LRRC8C: variants seen among roughly 807,000 people sequenced by gnomAD.
The protein encoded by LRRC8C is volume-regulated anion channel subunit LRRC8C.
LRRC8C carries 20 observed loss-of-function variants against 55.3 expected under a neutral mutation model. The ratio of observed to expected loss-of-function variants is 0.36; its 90% CI spans 0.25 to 0.53. LRRC8C has a LOEUF of 0.53. LRRC8C is among the 20% of genes least tolerant of loss of function. The probability of loss-of-function intolerance (pLI) is 0.92; values close to 1 mark genes in which losing one functional copy is unlikely to be tolerated. For missense variants in LRRC8C, 659 were observed against 951.4 expected (o/e 0.69, Z 4.04); for synonymous variants, 376 against 360.7 (o/e 1.04, Z -0.48).
In LRRC8C at chr1:89,718,683, T is replaced by G. The variant is rs1312268516; in HGVS notation, c.*3701T>G. On this transcript the variant is annotated 3_prime_UTR_variant, in exon 3 of 3. Transcript: ENST00000370454. Reference sequence around the variant, plus strand: ...CATACTTAGTAGTGAACAGATAAAGTCAATTTGAATATAATTCCACTTTGT... The same window carrying G: ...CATACTTAGTAGTGAACAGATAAAGGCAATTTGAATATAATTCCACTTTGT... 1.3e-5 allele frequency: 2 copies of G among 152,182 alleles called. No homozygotes were observed. The highest frequency in any genetic ancestry group is 2.9e-5 in the Non-Finnish European group (2 of 68,002). The allele number at this position is 152,182 out of a possible 1,614,324, so 9.4% of individuals were successfully genotyped here.
the LRRC8C span, among the ~76,000 whole-genome samples, chr1:89,624,322 A>G: frequency 6.6e-6 from 1 of 152,252 alleles, no homozygotes; most frequent in Non-Finnish European, 1.5e-5. Context: ...TGGAAGAAAG[A>G]GTACAAAAAC....
chr1:89,700,744 A>T (rs1346365199), intron 2 of LRRC8C, among the ~76,000 whole-genome samples: 1 of 152,198 alleles, frequency 6.6e-6, no homozygotes, highest in Non-Finnish European at 1.5e-5. Flanking sequence ...TGAATCAATG[A>T]GGTGGAGGGA....
At chr1:89,619,674 A>G in the LRRC8C span, among the ~76,000 whole-genome samples, 25 of 151,956 alleles carry the variant, frequency 1.6e-4, no homozygotes, top group Non-Finnish European at 1.5e-5. Flanking sequence ...ATTAAATCAA[A>G]TCAACAAATT....
intron 2 of LRRC8C, among the ~76,000 whole-genome samples, chr1:89,710,274 A>G (rs1401205023): frequency 1.3e-5 from 2 of 152,130 alleles, no homozygotes; most frequent in Non-Finnish European, 2.9e-5. Flanking sequence ...AAGATAGTCT[A>G]GTATTTGTCT....
At chr1:89,712,178 T>C (rs1317921406) in intron 2 of LRRC8C, among the ~76,000 whole-genome samples, 1 of 152,208 alleles carries the variant, frequency 6.6e-6, no homozygotes, top group Non-Finnish European at 1.5e-5. Context: ...AATGGCACGA[T>C]CTCGGCTCAC....
chr1:89,635,293 A>G (rs1234225266), intron 1 of LRRC8C, among the ~76,000 whole-genome samples: 1 of 152,242 alleles, frequency 6.6e-6, no homozygotes, highest in African/African-American at 2.4e-5. Context: ...TGACATTATA[A>G]TAGAGCGAGC....
At chr1:89,653,683 C>G (rs1317708454) in intron 1 of LRRC8C, among the ~76,000 whole-genome samples, 1 of 152,086 alleles carries the variant, frequency 6.6e-6, no homozygotes, top group Non-Finnish European at 1.5e-5. Flanking sequence ...AAGATTGAGC[C>G]TGCAGGTTTT....
chr1:89,696,436 G>A (rs114998458), intron 2 of LRRC8C, among the ~76,000 whole-genome samples: 1,930 of 152,124 alleles, frequency 0.013, 55 homozygotes, highest in African/African-American at 0.044. Flanking sequence ...TCAGGTCAAA[G>A]AAAGGTAATC....
Position 89,714,760 on chromosome 1 carries a change from A to C in LRRC8C, c.2190A>C (p.Lys730Asn). 6.2e-7 allele frequency: 1 copy of C among 1,613,848 alleles called. No homozygotes were observed. The highest frequency in any genetic ancestry group is 8.5e-7 in the Non-Finnish European group (1 of 1,179,902). Residue 730 changes from lysine (K) to asparagine (N), a missense_variant, in exon 3 of 3, where the codon AAA becomes AAC. Coordinates refer to ENST00000370454, the MANE Select transcript of LRRC8C (RefSeq NM_032270.5). The surrounding 1 kb of genome is among the most constrained non-coding windows in gnomAD (Gnocchi z 4.6). ...SLPDELYFCK[K>N]LKTLKIGKNS... ...CAGATGAACTCTACTTCTGCAAGAA[A>C]CTTAAAACTCTGAAGATTGGAAAAA...
chr1:89,662,904 T>C (rs563083909), intron 1 of LRRC8C, among the ~76,000 whole-genome samples: 127 of 152,238 alleles, frequency 8.3e-4, no homozygotes, highest in African/African-American at 2.9e-3. Context: ...ACACGTGCCA[T>C]GGTGCTTTGC....
chr1:89,671,714 T>C (rs1657421231), intron 1 of LRRC8C, among the ~76,000 whole-genome samples: 1 of 152,200 alleles, frequency 6.6e-6, no homozygotes, highest in Admixed American at 6.5e-5. Flanking sequence ...TAATGATGTT[T>C]ACGCTGAATT....
intron 1 of LRRC8C, among the ~76,000 whole-genome samples, chr1:89,658,198 T>C (rs945941951): frequency 1.3e-5 from 2 of 152,178 alleles, no homozygotes; most frequent in Admixed American, 6.5e-5. Flanking sequence ...AGAATGACTT[T>C]GCTTAGAATT....
chr1:89,619,096 G>A, the LRRC8C span, among the ~76,000 whole-genome samples: 1 of 152,206 alleles, frequency 6.6e-6, no homozygotes, highest in African/African-American at 2.4e-5. Context: ...TAACACTGGT[G>A]TGTTAAAACT....
chr1:89,652,405 CAA>C (rs901963460), intron 1 of LRRC8C, among the ~76,000 whole-genome samples: 54 of 152,228 alleles, frequency 3.5e-4, no homozygotes, highest in African/African-American at 1.2e-3. Flanking sequence ...ACCTGCTGCA[CAA>C]AGATTTTGGT....
intron 1 of LRRC8C, among the ~76,000 whole-genome samples, chr1:89,678,470 G>C (rs1657609778): frequency 6.6e-6 from 1 of 152,186 alleles, no homozygotes; most frequent in Admixed American, 6.5e-5. Context: ...GGAGGCCAAG[G>C]CCGGTGGATC....
chr1:89,659,109 C>T (rs11810378), intron 1 of LRRC8C, among the ~76,000 whole-genome samples: 3 of 107,330 alleles, frequency 2.8e-5, no homozygotes, highest in East Asian at 5.2e-4. Context: ...GTGTGTGTGT[C>T]TGTGATGAAG....
intron 1 of LRRC8C, chr1:89,661,431 G>T: frequency 4.0e-6 from 1 of 252,380 alleles, no homozygotes; most frequent in South Asian, 5.6e-5. Context: ...GATGCTTCTT[G>T]GACTGAGTGA....
chr1:89,619,129 T>C, the LRRC8C span, among the ~76,000 whole-genome samples: 1 of 152,194 alleles, frequency 6.6e-6, no homozygotes, highest in Non-Finnish European at 1.5e-5. Context: ...CTGCATGCGA[T>C]TTCAGTAAAC....
At chr1:89,639,252 T>C (rs1656388338) in intron 1 of LRRC8C, among the ~76,000 whole-genome samples, 1 of 152,128 alleles carries the variant, frequency 6.6e-6, no homozygotes, top group Non-Finnish European at 1.5e-5. Context: ...CCCCAAGTAC[T>C]GGGATTACAG....
Sources: gnomAD v4.1 joint callset for allele counts (sites outside exome capture counted in the v4.1 genomes callset) on GRCh38, gnomAD v4.1.1 for gene constraint, Gnocchi (gnomAD v3.1) non-coding constraint, MANE v1.5 for transcripts, NCBI Gene and HGNC (gene_info 2026-07-23, HGNC 2026-07-21) for gene names.